GRM7: variants seen among roughly 807,000 people sequenced by gnomAD.
GRM7 encodes metabotropic glutamate receptor 7.
GRM7 carries 35 observed loss-of-function variants against 84.5 expected under a neutral mutation model. The observed-to-expected ratio is 0.41, with a 90% CI of 0.32 to 0.55. GRM7 has a LOEUF of 0.55. Among genes scored for constraint, GRM7 ranks in the 20% least tolerant of loss-of-function variants. The pLI is 0.19. For missense variants in GRM7, 1,003 were observed against 1,194.6 expected, an observed-to-expected ratio of 0.84 and a Z score of 2.36; for synonymous variants, 487 against 455.1, an observed-to-expected ratio of 1.07 and a Z score of -0.89.
chr3:7,399,356 A>C (rs1381234196), intron 4 of GRM7, among the ~76,000 whole-genome samples: 1 of 152,098 alleles, frequency 6.6e-6, no homozygotes, highest in South Asian at 2.1e-4. Flanking sequence ...TGTAGATGTC[A>C]CACTTATTAC....
At chr3:6,874,232 C>G (rs551924762) in intron 1 of GRM7, among the ~76,000 whole-genome samples, 1 of 152,332 alleles carries the variant, frequency 6.6e-6, no homozygotes, top group East Asian at 1.9e-4. Flanking sequence ...GTTGCCATAA[C>G]TGCTTATAAT....
chr3:7,615,321 G>C (rs1212768813), intron 8 of GRM7, among the ~76,000 whole-genome samples: 1 of 151,892 alleles, frequency 6.6e-6, no homozygotes, highest in East Asian at 1.9e-4. Context: ...CCCACTTTCA[G>C]TTTCTACTGG....
Position 7,617,833 on chromosome 3 carries a change from GTTTGTT to G in GRM7, c.2451+38480_2451+38485del, listed in dbSNP as rs1188378840. 5.3e-5 allele frequency among the ~76,000 whole-genome samples: 8 copies of G among 152,190 alleles called. No homozygotes were observed. The South Asian group carries it at 1.5e-3, about 28-fold the overall frequency. On this transcript the variant is annotated intron_variant, in intron 8 of 9. Coordinates refer to ENST00000357716, the MANE Select transcript of GRM7 (RefSeq NM_000844.4). ...ATGTCGACCTTTATTAAAGAATAAG[GTTTGTT>G]TTTAAGTCAATCAAAACAATTTCAA...
chr3:7,652,781 A>G (rs1699004691), intron 8 of GRM7, among the ~76,000 whole-genome samples: 2 of 152,244 alleles, frequency 1.3e-5, no homozygotes, highest in South Asian at 4.1e-4. Context: ...AATAAGGCCC[A>G]GATCATTAAA....
intron 4 of GRM7, among the ~76,000 whole-genome samples, chr3:7,313,362 A>G (rs1700474634): frequency 1.3e-5 from 2 of 152,200 alleles, no homozygotes; most frequent in Admixed American, 6.5e-5. Context: ...GCCTAGGCCC[A>G]TGATGACCTT....
intron 7 of GRM7, among the ~76,000 whole-genome samples, chr3:7,542,275 T>G (rs1365378485): frequency 1.3e-5 from 2 of 152,184 alleles, no homozygotes; most frequent in Non-Finnish European, 2.9e-5. Context: ...TATGATCCAG[T>G]GCTTTTCTCC....
chr3:7,660,453 T>C (rs554207305), intron 8 of GRM7, among the ~76,000 whole-genome samples: 111 of 152,208 alleles, frequency 7.3e-4, no homozygotes, highest in Non-Finnish European at 5.7e-4. Context: ...CAAAATATTA[T>C]AGATGTATAC....
At chr3:7,212,674 A>C (rs371143311) in intron 2 of GRM7, among the ~76,000 whole-genome samples, 2 of 152,354 alleles carry the variant, frequency 1.3e-5, no homozygotes, top group South Asian at 2.1e-4. Flanking sequence ...GAGTGGAGCA[A>C]GAAAATAACA....
chr3:7,644,133 T>TGTGTGTGG, intron 8 of GRM7, among the ~76,000 whole-genome samples: 1 of 148,842 alleles, frequency 6.7e-6, no homozygotes, highest in Non-Finnish European at 1.5e-5. Flanking sequence ...TGTGTGTGTG[T>TGTGTGTGG]GTGTATATAT....
At chr3:7,253,613 A>G (rs540847995) in intron 2 of GRM7, among the ~76,000 whole-genome samples, 4,535 of 53,788 alleles carry the variant, frequency 0.084, 238 homozygotes, top group African/African-American at 0.29. Context: ...GTGAAACTCC[A>G]TCTAAAAAAA....
At chr3:7,664,823 T>A (rs1271496060) in intron 8 of GRM7, among the ~76,000 whole-genome samples, 1 of 152,188 alleles carries the variant, frequency 6.6e-6, no homozygotes, top group African/African-American at 2.4e-5. Flanking sequence ...ATTTTCCTTA[T>A]GTGGCTTAAG....
chr3:7,331,693 T>G (rs1701213978), intron 4 of GRM7, among the ~76,000 whole-genome samples: 1 of 152,110 alleles, frequency 6.6e-6, no homozygotes, highest in Non-Finnish European at 1.5e-5. Context: ...GCACAGTATC[T>G]CATGTGTTGG....
At chr3:7,350,239 A>C (rs1008876384) in intron 4 of GRM7, among the ~76,000 whole-genome samples, 1 of 152,036 alleles carries the variant, frequency 6.6e-6, no homozygotes, top group Admixed American at 6.6e-5. Flanking sequence ...TTGTTAATTG[A>C]TATGGTTTGG....
chr3:7,355,625 C>T (rs1693364390), intron 4 of GRM7, among the ~76,000 whole-genome samples: 1 of 152,110 alleles, frequency 6.6e-6, no homozygotes, highest in South Asian at 2.1e-4. Context: ...TGTGGGCCAA[C>T]AAGTTACCAT....
At chr3:7,595,940 G>A (rs550565313) in intron 8 of GRM7, among the ~76,000 whole-genome samples, 10 of 152,258 alleles carry the variant, frequency 6.6e-5, no homozygotes, top group African/African-American at 2.4e-4. Flanking sequence ...TTGAGCATGA[G>A]CTGACTAAAC....
chr3:7,692,966 T>C (rs1464840843), intron 9 of GRM7, among the ~76,000 whole-genome samples: 1 of 151,574 alleles, frequency 6.6e-6, no homozygotes, highest in East Asian at 1.9e-4. Flanking sequence ...GAGATGCATC[T>C]TTCTTTCTTT....
At chr3:7,201,893 A>G (rs192910767) in intron 2 of GRM7, among the ~76,000 whole-genome samples, 57 of 152,322 alleles carry the variant, frequency 3.7e-4, no homozygotes, top group Admixed American at 2.1e-3. Context: ...TCTTTATATA[A>G]TGAATAAAGG....
At chr3:7,078,799 A>G (rs1039553622) in intron 1 of GRM7, among the ~76,000 whole-genome samples, 1 of 151,434 alleles carries the variant, frequency 6.6e-6, no homozygotes, top group African/African-American at 2.4e-5. Context: ...TGGGGAGGAA[A>G]TGTAGGCTTC....
intron 8 of GRM7, among the ~76,000 whole-genome samples, chr3:7,673,662 A>G (rs947962188): frequency 2.0e-5 from 3 of 152,158 alleles, no homozygotes; most frequent in African/African-American, 7.2e-5. Context: ...ATGGAAGTGG[A>G]TGCCAGCAGG....
Sources: allele counts gnomAD v4.1 joint callset (sites outside exome capture counted in the v4.1 genomes callset), GRCh38; gene constraint gnomAD v4.1.1; transcripts MANE v1.5; gene names NCBI Gene and HGNC (gene_info 2026-07-23, HGNC 2026-07-21).